The following SAMD12 variants were observed in gnomAD, a reference collection of about 807,000 sequenced individuals.
The protein encoded by SAMD12 is sterile alpha motif domain-containing protein 12.
Under a neutral mutation model 15.0 loss-of-function variants are expected in SAMD12, and 9 were observed. That is an observed-to-expected ratio of 0.60 (90% CI 0.36 to 1.05). The LOEUF is 1.05. SAMD12 is among the 50% of genes least tolerant of loss of function. The pLI is 0.01. For missense variants in SAMD12, 230 were observed against 234.2 expected (o/e 0.98, Z 0.12); for synonymous variants, 86 against 90.1 (o/e 0.96, Z 0.25).
At chr8:118,183,168 A>G in the SAMD12 span, among the ~76,000 whole-genome samples, 709 of 152,298 alleles carry the variant, frequency 4.7e-3, 7 homozygotes, top group African/African-American at 0.016. Flanking sequence ...GGAGGCACCC[A>G]ATAAGTACTT....
chr8:118,243,239 T>C (rs1812612912), intron 4 of SAMD12, among the ~76,000 whole-genome samples: 1 of 152,128 alleles, frequency 6.6e-6, no homozygotes, highest in African/African-American at 2.4e-5. Flanking sequence ...TGCATATATA[T>C]CCACACTCAA....
At chr8:118,551,171 C>T (rs546460642) in intron 2 of SAMD12, among the ~76,000 whole-genome samples, 150 of 152,294 alleles carry the variant, frequency 9.8e-4, no homozygotes, top group African/African-American at 3.5e-3. Flanking sequence ...CTGCACCAAG[C>T]AGACCTAATA....
chr8:118,151,606 A>C, the SAMD12 span, among the ~76,000 whole-genome samples: 1 of 152,048 alleles, frequency 6.6e-6, no homozygotes, highest in African/African-American at 2.4e-5. Flanking sequence ...AGGCGGGTGG[A>C]TCACAAGGTC....
At chr8:118,448,727 A>G (rs556655122) in intron 2 of SAMD12, among the ~76,000 whole-genome samples, 2 of 152,264 alleles carry the variant, frequency 1.3e-5, no homozygotes, top group South Asian at 4.2e-4. Flanking sequence ...TTCTTTTTCA[A>G]CTGACACAGA....
intron 4 of SAMD12, among the ~76,000 whole-genome samples, chr8:118,225,348 C>T (rs548013675): frequency 3.8e-4 from 58 of 152,172 alleles, no homozygotes; most frequent in African/African-American, 1.3e-3. Context: ...CCTCTGAATA[C>T]AATGCTGTTG....
chr8:118,433,460 A>G (rs1447937285), intron 3 of SAMD12, among the ~76,000 whole-genome samples: 1 of 150,474 alleles, frequency 6.6e-6, no homozygotes, highest in African/African-American at 2.4e-5. Flanking sequence ...GAAGACATCT[A>G]AAGTCCTTTC....
At chr8:118,167,378 C>T in the SAMD12 span, among the ~76,000 whole-genome samples, 42 of 152,186 alleles carry the variant, frequency 2.8e-4, no homozygotes, top group East Asian at 7.2e-3. Flanking sequence ...CTGGGCCTGG[C>T]GTGTTACAAT....
the SAMD12 span, among the ~76,000 whole-genome samples, chr8:118,173,222 T>C: frequency 6.6e-6 from 1 of 152,302 alleles, no homozygotes; most frequent in African/African-American, 2.4e-5. Context: ...TTGCCTTCCA[T>C]CCAAGTATTG....
At chr8:118,440,719 T>C (rs1163892980) in intron 2 of SAMD12, among the ~76,000 whole-genome samples, 4 of 133,598 alleles carry the variant, frequency 3.0e-5, no homozygotes, top group African/African-American at 1.1e-4. Context: ...CACACACATA[T>C]AAAAACGCAG....
intron 2 of SAMD12, among the ~76,000 whole-genome samples, chr8:118,513,013 T>G (rs78187489): frequency 0.26 from 40,128 of 152,026 alleles, 5,771 homozygotes; most frequent in South Asian, 0.42. Context: ...ACTTATATTT[T>G]TTTTTTTTCT....
Position 118,434,968 on chromosome 8 carries a change from T to G in SAMD12, c.322+4864A>C, listed in dbSNP as rs1409891857. Among the ~76,000 whole-genome samples the G allele has an allele frequency of 2.4e-5, 2 of 82,672 alleles. 1 individual carries two copies. The highest frequency in any genetic ancestry group is 5.6e-4 in the East Asian group (2 of 3,540). The allele number at this position is 82,672 out of a possible 152,430, so 54.2% of individuals were successfully genotyped here. A position where few individuals can be genotyped will look rare whatever the true frequency, so the allele number is the denominator to read the frequency against. ...AATACAAAAAATTAGCCGGGCGTAGTGGCGGGCGCCTGTAGTCCCAGCTAC... is the reference window on the plus strand; with the variant it reads ...AATACAAAAAATTAGCCGGGCGTAGGGGCGGGCGCCTGTAGTCCCAGCTAC... On this transcript the variant is annotated intron_variant, in intron 3 of 3. Coordinates refer to ENST00000314727, the MANE Select transcript of SAMD12 (RefSeq NM_207506.3).
intron 3 of SAMD12, among the ~76,000 whole-genome samples, chr8:118,411,077 C>T (rs975843442): frequency 6.6e-6 from 1 of 152,148 alleles, no homozygotes. Context: ...TTTAGAAACA[C>T]TGTTGAGTAT....
At chr8:118,620,243 C>T (rs960868733) in intron 1 of SAMD12, among the ~76,000 whole-genome samples, 2 of 151,970 alleles carry the variant, frequency 1.3e-5, no homozygotes, top group Admixed American at 6.5e-5. Context: ...GTGGTGAAGA[C>T]GAGAGATCAT....
At chr8:118,250,264 C>T (rs185291685) in intron 4 of SAMD12, among the ~76,000 whole-genome samples, 63 of 152,204 alleles carry the variant, frequency 4.1e-4, no homozygotes, top group Non-Finnish European at 7.1e-4. Flanking sequence ...CAAATACCAG[C>T]TTACCAGCCT....
At chr8:118,451,737 T>C (rs1053761571) in intron 2 of SAMD12, among the ~76,000 whole-genome samples, 1 of 152,198 alleles carries the variant, frequency 6.6e-6, no homozygotes, top group African/African-American at 2.4e-5. Context: ...GGAGAGCCTA[T>C]GAACTCTGGA....
intron 2 of SAMD12, among the ~76,000 whole-genome samples, chr8:118,468,682 C>A (rs886873398): frequency 6.6e-6 from 1 of 151,934 alleles, no homozygotes; most frequent in Non-Finnish European, 1.5e-5. Flanking sequence ...CTTGTGGCAA[C>A]ATACTAGATT....
chr8:118,262,255 T>C (rs1021472127), intron 4 of SAMD12, among the ~76,000 whole-genome samples: 5 of 152,124 alleles, frequency 3.3e-5, no homozygotes, highest in African/African-American at 1.2e-4. Context: ...TTTCACAGTC[T>C]GTCCAGGGAG....
At chr8:118,512,934 G>A (rs568851599) in intron 2 of SAMD12, among the ~76,000 whole-genome samples, 1 of 152,074 alleles carries the variant, frequency 6.6e-6, no homozygotes, top group East Asian at 1.9e-4. Context: ...ATCAAGTAAC[G>A]CATGTGAAAG....
At chr8:118,466,476 G>C (rs1262246675) in intron 2 of SAMD12, among the ~76,000 whole-genome samples, 2 of 152,114 alleles carry the variant, frequency 1.3e-5, no homozygotes, top group Non-Finnish European at 2.9e-5. Context: ...AAGCTGTTTA[G>C]GGCTTTTATT....
Sources: allele counts gnomAD v4.1 joint callset (sites outside exome capture counted in the v4.1 genomes callset), GRCh38; gene constraint gnomAD v4.1.1; transcripts MANE v1.5; gene names NCBI Gene and HGNC (gene_info 2026-07-23, HGNC 2026-07-21).